Variants in SIPA1L2 observed in about 807,000 individuals in gnomAD.
SIPA1L2 encodes signal induced proliferation associated 1 like 2, also known as signal-induced proliferation-associated 1-like protein 2.
In SIPA1L2, 56 loss-of-function variants were observed where a neutral mutation model predicts 163.9. The observed-to-expected ratio is 0.34, with a 90% confidence interval of 0.28 to 0.43. The LOEUF is 0.43. Among genes scored for constraint, SIPA1L2 ranks in the 20% least tolerant of loss-of-function variants. The pLI is 1.00. For missense variants in SIPA1L2, 1,974 were observed against 2,193.5 expected, an observed-to-expected ratio of 0.90 and a Z score of 2.00; for synonymous variants, 877 against 865.7, an observed-to-expected ratio of 1.01 and a Z score of -0.23.
chr1:232,480,436 ATGACATT>A (rs1665287985), intron 6 of SIPA1L2, among the ~76,000 whole-genome samples: 1 of 152,188 alleles, frequency 6.6e-6, no homozygotes, highest in African/African-American at 2.4e-5. Context: ...TTAAAAAACT[ATGACATT>A]TGAACCCCTA....
intron 1 of SIPA1L2, among the ~76,000 whole-genome samples, chr1:232,626,330 T>C (rs1663078653): frequency 6.7e-6 from 1 of 149,768 alleles, no homozygotes; most frequent in Non-Finnish European, 1.5e-5. Context: ...CAAAGGAGCA[T>C]GACAACTAGA....
At chr1:232,597,645 G>C (rs891829089) in intron 1 of SIPA1L2, among the ~76,000 whole-genome samples, 1 of 138,812 alleles carries the variant, frequency 7.2e-6, no homozygotes, top group East Asian at 2.1e-4. Context: ...AGCCGAGTTT[G>C]CGCCACTGCA....
chr1:232,623,066 G>A (rs987139768), intron 1 of SIPA1L2, among the ~76,000 whole-genome samples: 1 of 152,198 alleles, frequency 6.6e-6, no homozygotes, highest in Non-Finnish European at 1.5e-5. Flanking sequence ...ATGGGTGGGG[G>A]TGGATGGTGC....
At chr1:232,443,244 C>T (rs1663009088) in intron 12 of SIPA1L2, among the ~76,000 whole-genome samples, 1 of 152,210 alleles carries the variant, frequency 6.6e-6, no homozygotes, top group Non-Finnish European at 1.5e-5. Context: ...CCCAGTACTT[C>T]TCAGACAGGA....
chr1:232,462,455 T>C, intron 9 of SIPA1L2: 1 of 1,170,560 alleles, frequency 8.5e-7, no homozygotes, highest in Middle Eastern at 2.9e-4. Flanking sequence ...GTATCACCAC[T>C]GTGTCTGATG....
chr1:232,465,383 T>TG lies in SIPA1L2; in HGVS notation c.2276dup (p.Phe760IlefsTer34). On this transcript the variant is annotated frameshift_variant, in exon 9 of 23. Coordinates refer to ENST00000674635, the MANE Select transcript of SIPA1L2 (RefSeq NM_020808.5). LOFTEE classifies it high-confidence loss of function. This position sits in a 1 kb window ranked among gnomAD's most constrained non-coding sequence, Gnocchi z 4.1. Reference sequence around the variant, plus strand: ...CACCTTTGGGAATCGGTGGGCCAAATGGTGGCACATCTTTTGATCTGGAAA... The same window carrying TG: ...CACCTTTGGGAATCGGTGGGCCAAATGGGTGGCACATCTTTTGATCTGGAAA... 6.2e-7 allele frequency: 1 copy of TG among 1,611,954 alleles called. No homozygotes were observed. Among genetic ancestry groups the TG allele is most frequent in the Non-Finnish European group, 8.5e-7 (1 of 1,178,344 alleles).
chr1:232,626,936 T>C lies in SIPA1L2; in HGVS notation c.-319+2933A>G, dbSNP rs562097697. Among the ~76,000 whole-genome samples the C allele has an allele frequency of 2.6e-5, 4 of 152,294 alleles. No homozygotes were observed. In the East Asian group the frequency reaches 7.7e-4, roughly 29 times the overall value. On this transcript the variant is annotated intron_variant, in intron 1 of 22. Transcript: ENST00000674635. ...GGTTCCTGTCTGTGCCTAAAGCTTT[T>C]TCTACTCTCACTCTGCAAATGAATT...
rs751871566 is a variant in SIPA1L2 at position 232,513,870 on chromosome 1, G to C, written c.1470C>G (p.Phe490Leu). 1 of 1,571,002 alleles carries C rather than the reference G, an allele frequency of 6.4e-7. No individual in the cohort carries two copies. The highest frequency in any genetic ancestry group is 1.4e-5 in the African/African-American group (1 of 72,888). ...GCTCTTCCTTACCTTTCCCATAGAA[G>C]AATTTGCGGTAATAATAGGCCCCAA... Reference protein sequence around the residue: ...IDLGAYYYRKFFYGKEHQNYF... With the variant: ...IDLGAYYYRKLFYGKEHQNYF... The change falls in exon 3 of 23, where the codon TTC becomes TTG. Residue 490 changes from phenylalanine to leucine, a missense_variant. Physicochemically the swap from Phe to Leu is conservative, Grantham distance 22. Transcript: ENST00000674635.
chr1:232,580,698 ACT>A (rs1182523665), intron 1 of SIPA1L2, among the ~76,000 whole-genome samples: 1 of 151,886 alleles, frequency 6.6e-6, no homozygotes, highest in African/African-American at 2.4e-5. Context: ...TAGGTGTCAG[ACT>A]CTCAGTTAAT....
At chr1:232,625,036 G>GA (rs925244840) in intron 1 of SIPA1L2, among the ~76,000 whole-genome samples, 1 of 152,192 alleles carries the variant, frequency 6.6e-6, no homozygotes, top group African/African-American at 2.4e-5. Flanking sequence ...ATCATATGCA[G>GA]AAGAGAGTGC....
At chr1:232,455,108 T>C (rs1002909466) in intron 10 of SIPA1L2, among the ~76,000 whole-genome samples, 1 of 152,166 alleles carries the variant, frequency 6.6e-6, no homozygotes, top group Admixed American at 6.5e-5. Flanking sequence ...GAGAGAACAA[T>C]CTGAATGTTA....
At chr1:232,478,605 G>C (rs772571294) in intron 7 of SIPA1L2, among the ~76,000 whole-genome samples, 1 of 152,122 alleles carries the variant, frequency 6.6e-6, no homozygotes. Flanking sequence ...TGTAGTCCTT[G>C]GTGCTTTAAT....
chr1:232,433,888 T>C (rs528326371), intron 15 of SIPA1L2, among the ~76,000 whole-genome samples: 3 of 152,336 alleles, frequency 2.0e-5, no homozygotes, highest in African/African-American at 7.2e-5. Context: ...TGCCAGACCC[T>C]GGGCAAGTTT....
At chr1:232,404,530 T>G (rs1312277214) in intron 19 of SIPA1L2, among the ~76,000 whole-genome samples, 1 of 152,010 alleles carries the variant, frequency 6.6e-6, no homozygotes, top group Non-Finnish European at 1.5e-5. Context: ...TAGAAACCCT[T>G]AAAGGAAGAT....
At chr1:232,511,440 A>G (rs1183241986) in intron 3 of SIPA1L2, among the ~76,000 whole-genome samples, 3 of 152,220 alleles carry the variant, frequency 2.0e-5, no homozygotes, top group African/African-American at 7.2e-5. Context: ...ATTGCATCAG[A>G]TCATTTCTCT....
At chr1:232,469,017 G>T (rs1226477872) in intron 8 of SIPA1L2, among the ~76,000 whole-genome samples, 1 of 152,150 alleles carries the variant, frequency 6.6e-6, no homozygotes, top group African/African-American at 2.4e-5. Flanking sequence ...TGCGCTCATG[G>T]GGGAGGCCTG....
chr1:232,507,605 G>C (rs531405479), intron 3 of SIPA1L2, among the ~76,000 whole-genome samples: 1 of 152,276 alleles, frequency 6.6e-6, no homozygotes, highest in Admixed American at 6.5e-5. Flanking sequence ...AATGTATTTG[G>C]TAAGTTGTTT....
chr1:232,415,342 C>A, intron 19 of SIPA1L2, 152 bp downstream of exon 19: 1 of 902,266 alleles, frequency 1.1e-6, no homozygotes, highest in Non-Finnish European at 1.6e-6. Flanking sequence ...CCCAAGCCAG[C>A]CCCTGCTTGT....
At chr1:232,449,643 T>TA (rs1663448631) in intron 10 of SIPA1L2, among the ~76,000 whole-genome samples, 2 of 150,728 alleles carry the variant, frequency 1.3e-5, no homozygotes, top group Admixed American at 1.3e-4. Flanking sequence ...TAAGAAATAG[T>TA]ATATGAACAT....
Sources: allele counts gnomAD v4.1 joint callset (sites outside exome capture counted in the v4.1 genomes callset), GRCh38; gene constraint gnomAD v4.1.1; non-coding constraint Gnocchi (gnomAD v3.1); transcripts MANE v1.5; gene names NCBI Gene and HGNC (gene_info 2026-07-23, HGNC 2026-07-21).